Variants in FHAD1 observed in about 807,000 individuals in gnomAD.
FHAD1 encodes the protein forkhead associated phosphopeptide binding domain 1.
Under a neutral mutation model 191.3 loss-of-function variants are expected in FHAD1, and 146 were observed. That is an observed-to-expected ratio of 0.76 (90% CI 0.67 to 0.88). The LOEUF is 0.88. Ranked by LOEUF, FHAD1 falls within the 40% of genes least tolerant of loss-of-function variation. The probability of loss-of-function intolerance (pLI) is 0.00; values close to 1 mark genes in which losing one functional copy is unlikely to be tolerated. For synonymous variants in FHAD1, 616 were observed against 672.3 expected, an observed-to-expected ratio of 0.92 and a Z score of 1.29; for missense variants, 1,635 against 1,785.8, an observed-to-expected ratio of 0.92 and a Z score of 1.52.
At chr1:15,241,138 G>A (rs192944860) in intron 1 of FHAD1, among the ~76,000 whole-genome samples, 67 of 152,234 alleles carry the variant, frequency 4.4e-4, no homozygotes, top group African/African-American at 1.6e-3. Flanking sequence ...GATGATAAAT[G>A]TGGGTTGTTT....
At chr1:15,253,963 C>T (rs1647098262) in intron 2 of FHAD1, among the ~76,000 whole-genome samples, 3 of 152,142 alleles carry the variant, frequency 2.0e-5, no homozygotes, top group Admixed American at 2.0e-4. Context: ...TGTTCTTTAT[C>T]AAATGGAGAA....
At chr1:15,383,413 C>A in intron 31 of FHAD1, 1 of 377,568 alleles carries the variant, frequency 2.6e-6, no homozygotes, top group Non-Finnish European at 5.3e-6. Flanking sequence ...GTGAGTCCTG[C>A]CTCAGACCCG....
intron 21 of FHAD1, among the ~76,000 whole-genome samples, chr1:15,360,255 G>A (rs1407119701): frequency 2.0e-5 from 3 of 152,354 alleles, no homozygotes; most frequent in African/African-American, 7.2e-5. Context: ...TAGTCAGGGA[G>A]GGCCTCTCAG....
chr1:15,375,138 G>A (rs1451775354), intron 27 of FHAD1, among the ~76,000 whole-genome samples: 2 of 152,138 alleles, frequency 1.3e-5, no homozygotes, highest in Non-Finnish European at 2.9e-5. Context: ...TTACAGGCGA[G>A]AGCCACCACA....
intron 6 of FHAD1, among the ~76,000 whole-genome samples, chr1:15,306,967 T>A (rs1183387901): frequency 6.6e-6 from 1 of 152,104 alleles, no homozygotes; most frequent in African/African-American, 2.4e-5. Flanking sequence ...GAATGGTAGA[T>A]CCACCAATGG....
intron 1 of FHAD1, among the ~76,000 whole-genome samples, chr1:15,250,003 T>A (rs1646578489): frequency 6.6e-6 from 1 of 152,004 alleles, no homozygotes; most frequent in Non-Finnish European, 1.5e-5. Context: ...ATGAAAAGAG[T>A]ATATTCAAGG....
intron 4 of FHAD1, among the ~76,000 whole-genome samples, chr1:15,292,524 G>A (rs372606071): frequency 2.6e-5 from 4 of 152,088 alleles, no homozygotes; most frequent in Admixed American, 6.5e-5. Context: ...TAGTAGAGAC[G>A]AGTTTTCACC....
intron 33 of FHAD1, among the ~76,000 whole-genome samples, chr1:15,393,673 G>C (rs1445231978): frequency 6.6e-6 from 1 of 150,408 alleles, no homozygotes; most frequent in African/African-American, 2.5e-5. Context: ...CACCATCTCA[G>C]TTCACTGCAA....
At chr1:15,370,504 C>T (rs1415403008) in intron 26 of FHAD1, among the ~76,000 whole-genome samples, 9 of 152,194 alleles carry the variant, frequency 5.9e-5, no homozygotes, top group Admixed American at 6.5e-5. Flanking sequence ...TTGTGCAATG[C>T]TGTCGTTAAT....
In FHAD1 at chr1:15,324,495, A is replaced by G. The variant is rs1677516123; in HGVS notation, c.1409A>G (p.Gln470Arg). ...GAGGATTCCAGAAGGAAATTGCTTCAGCTGCAAGAAATGGGGAACAGAGAG... is the reference window on the plus strand; with the variant it reads ...GAGGATTCCAGAAGGAAATTGCTTCGGCTGCAAGAAATGGGGAACAGAGAG... The part of the protein sequence containing the change: ...LQEDSRRKLL[Q>R]LQEMGNRESV... Residue 470 changes from glutamine to arginine, a missense_variant, in exon 11 of 34, where the codon CAG becomes CGG. Gln to Arg is a conservative substitution (Grantham distance 43). Coordinates refer to ENST00000688493, the MANE Select transcript of FHAD1 (RefSeq NM_001391957.1). The G allele has an allele frequency of 1.9e-6, 3 of 1,552,180 alleles. No homozygotes were observed. The highest frequency in any genetic ancestry group is 2.7e-5 in the African/African-American group (2 of 73,040).
chr1:15,337,774 A>G lies in FHAD1; in HGVS notation c.1907-1707A>G, dbSNP rs1684841132. 4.6e-5 allele frequency among the ~76,000 whole-genome samples: 7 copies of G among 152,102 alleles called. 1 individual carries two copies. The South Asian group carries it at 1.5e-3, about 32-fold the overall frequency. Reference sequence around the variant, plus strand: ...GCCCAGCTATTTTTCTTTAAAAAAAAAAACAACGCTCTTCATCAGGCCACT... The same window carrying G: ...GCCCAGCTATTTTTCTTTAAAAAAAGAAACAACGCTCTTCATCAGGCCACT... On this transcript the variant is annotated intron_variant, in intron 14 of 33. Coordinates refer to ENST00000688493, the MANE Select transcript of FHAD1 (RefSeq NM_001391957.1).
intron 4 of FHAD1, among the ~76,000 whole-genome samples, chr1:15,290,917 T>C (rs1055005820): frequency 1.6e-4 from 25 of 152,146 alleles, no homozygotes; most frequent in African/African-American, 5.5e-4. Context: ...GGTTTCACCA[T>C]GTTAGCCAGG....
intron 31 of FHAD1, among the ~76,000 whole-genome samples, chr1:15,384,945 A>G (rs1176030063): frequency 1.3e-5 from 2 of 151,972 alleles, no homozygotes; most frequent in Non-Finnish European, 2.9e-5. Context: ...ACGGGACCTC[A>G]GCGACCTCCG....
chr1:15,356,150 T>C (rs1299015016), intron 20 of FHAD1, among the ~76,000 whole-genome samples: 6 of 152,226 alleles, frequency 3.9e-5, no homozygotes, highest in African/African-American at 1.4e-4. Flanking sequence ...CTATTTTTGA[T>C]ATTTACTATA....
At chr1:15,242,456 C>T (rs1169918053), upstream of FHAD1, among the ~76,000 whole-genome samples, 2 of 152,056 alleles carry the variant, frequency 1.3e-5, no homozygotes, top group Non-Finnish European at 2.9e-5. Context: ...TAAATATGAG[C>T]TGAATTTGTT....
Position 15,247,376 on chromosome 1 carries a change from G to A in FHAD1, c.-34G>A. On this transcript the variant is annotated 5_prime_UTR_variant, in exon 1 of 34. Coordinates refer to ENST00000688493, the MANE Select transcript of FHAD1 (RefSeq NM_001391957.1). ...GGGCTCTCGGCGGAGGTCGGAGCGT[G>A]GGCTTCCTCCTCCCGCCAGGTGAGT... 4.4e-6 allele frequency: 1 copy of A among 224,912 alleles called. No homozygotes were observed. The highest frequency in any genetic ancestry group is 5.4e-5 in the Admixed American group (1 of 18,604). 13.9% of individuals were successfully genotyped at this position (224,912 alleles called of 1,614,324 possible).
intron 2 of FHAD1, among the ~76,000 whole-genome samples, chr1:15,253,678 A>G (rs1413713079): frequency 2.0e-5 from 3 of 152,228 alleles, no homozygotes; most frequent in Non-Finnish European, 2.9e-5. Flanking sequence ...GGTATCTTGC[A>G]ACCTTAACTG....
chr1:15,382,415 C>T (rs1275265209), intron 31 of FHAD1, among the ~76,000 whole-genome samples: 1 of 152,192 alleles, frequency 6.6e-6, no homozygotes, highest in Non-Finnish European at 1.5e-5. Flanking sequence ...CTCTGAGACT[C>T]ATGGTGCTCA....
downstream of FHAD1, among the ~76,000 whole-genome samples, chr1:15,402,771 A>C (rs139464248): frequency 1.7e-3 from 265 of 152,260 alleles, no homozygotes; most frequent in African/African-American, 6.1e-3. Flanking sequence ...CTTTATACCC[A>C]CAACTGCTTA....
Sources: gnomAD v4.1 joint callset for allele counts (sites outside exome capture counted in the v4.1 genomes callset) on GRCh38, gnomAD v4.1.1 for gene constraint, MANE v1.5 for transcripts, NCBI Gene and HGNC (gene_info 2026-07-23, HGNC 2026-07-21) for gene names.